BCHE: variants seen among roughly 807,000 people sequenced by gnomAD.
BCHE encodes the protein cholinesterase.
A neutral mutation model predicts 51.3 loss-of-function variants in BCHE; 48 were observed. The ratio of observed to expected loss-of-function variants is 0.94; its 90% CI spans 0.74 to 1.19. The LOEUF is 1.19. Ranked by LOEUF, BCHE falls within the 50% of genes most tolerant of loss-of-function variation. The probability of loss-of-function intolerance (pLI) is 0.00; values close to 1 mark genes in which losing one functional copy is unlikely to be tolerated. For missense variants in BCHE, 847 were observed against 708.2 expected, an observed-to-expected ratio of 1.20 and a Z score of -2.23; for synonymous variants, 251 against 238.0, an observed-to-expected ratio of 1.05 and a Z score of -0.50.
At chr3:165,821,449 A>G (rs1453603057) in intron 2 of BCHE, among the ~76,000 whole-genome samples, 1 of 151,770 alleles carries the variant, frequency 6.6e-6, no homozygotes, top group Non-Finnish European at 1.5e-5. Flanking sequence ...AAAAAAAGAG[A>G]GAGAGAGCGC....
intron 2 of BCHE, among the ~76,000 whole-genome samples, chr3:165,797,117 T>G (rs1305901551): frequency 1.3e-5 from 2 of 149,522 alleles, no homozygotes; most frequent in Non-Finnish European, 3.0e-5. Context: ...CCTTCCTTCC[T>G]TCTTTCCCTC....
chr3:165,790,670 T>A (rs1713131866), intron 2 of BCHE, among the ~76,000 whole-genome samples: 1 of 152,170 alleles, frequency 6.6e-6, no homozygotes, highest in South Asian at 2.1e-4. Context: ...CTTGACTTTC[T>A]CTAACTCTGG....
chr3:165,781,357 A>G (rs962801228), intron 3 of BCHE, among the ~76,000 whole-genome samples: 2 of 152,214 alleles, frequency 1.3e-5, no homozygotes, highest in Non-Finnish European at 2.9e-5. Flanking sequence ...GATAGACTGG[A>G]TAAAGAAAAT....
chr3:165,787,305 T>C (rs998230165), intron 2 of BCHE, among the ~76,000 whole-genome samples: 7 of 151,854 alleles, frequency 4.6e-5, no homozygotes, highest in African/African-American at 1.7e-4. Flanking sequence ...AGTCACTACA[T>C]CTGTAGATTT....
At chr3:165,773,587 C>G in intron 3 of BCHE, 81 bp from the exon 4 acceptor site, 2 of 1,267,674 alleles carry the variant, frequency 1.6e-6, no homozygotes, top group South Asian at 2.5e-5. Context: ...ATACAAAAGC[C>G]ATTTTCTCTA....
chr3:165,777,857 G>T, intron 3 of BCHE: 4 of 388,900 alleles, frequency 1.0e-5, no homozygotes, highest in African/African-American at 2.1e-5. Context: ...CACTCAATAA[G>T]TAGTAAATAT....
chr3:165,823,466 A>G (rs1445644142), intron 2 of BCHE, among the ~76,000 whole-genome samples: 1 of 152,074 alleles, frequency 6.6e-6, no homozygotes, highest in African/African-American at 2.4e-5. Context: ...CAGAAACTGG[A>G]TAATGGGCAA....
At chr3:165,792,346 G>T (rs2108207123) in intron 2 of BCHE, among the ~76,000 whole-genome samples, 1 of 152,082 alleles carries the variant, frequency 6.6e-6, no homozygotes, top group South Asian at 2.1e-4. Context: ...AAATTACCCG[G>T]AAAAGAGTTA....
intron 2 of BCHE, among the ~76,000 whole-genome samples, chr3:165,792,256 G>A (rs989705635): frequency 6.6e-6 from 1 of 151,780 alleles, no homozygotes; most frequent in Admixed American, 6.6e-5. Flanking sequence ...TTACTTCAAG[G>A]AAACTTCAAA....
In BCHE at chr3:165,787,200, G is replaced by C. The variant is rs540602981; in HGVS notation, c.1518-889C>G. On this transcript the variant is annotated intron_variant, in intron 2 of 3. Transcript: ENST00000264381. ...ACTCTATCTTTTCAATATCTACAGT[G>C]TTGAGCTCATTTATACCTTTATAGC... 7.8e-4 allele frequency among the ~76,000 whole-genome samples: 119 copies of C among 151,870 alleles called. 1 individual carries two copies. Among genetic ancestry groups the C allele is most frequent in the Middle Eastern group, 3.4e-3 (1 of 292 alleles).
chr3:165,787,746 C>A (rs1419146019), intron 2 of BCHE, among the ~76,000 whole-genome samples: 1 of 151,854 alleles, frequency 6.6e-6, no homozygotes. Context: ...TCAGTGTTGT[C>A]ACATTAAGGT....
chr3:165,795,259 C>A (rs914620083), intron 2 of BCHE, among the ~76,000 whole-genome samples: 1 of 152,174 alleles, frequency 6.6e-6, no homozygotes, highest in Non-Finnish European at 1.5e-5. Context: ...CCTTCATCTG[C>A]TGATGAGGAG....
intron 3 of BCHE, among the ~76,000 whole-genome samples, chr3:165,781,148 G>A: frequency 6.6e-6 from 1 of 152,140 alleles, no homozygotes; most frequent in Non-Finnish European, 1.5e-5. Context: ...CTACTCAGGA[G>A]GCTGAGGCAG....
chr3:165,829,709 TTTCCCCA>T lies in BCHE; in HGVS notation c.1318_1324del (p.Trp440IlefsTer23). 6.2e-7 allele frequency: 1 copy of T among 1,613,926 alleles called. No homozygotes were observed. Among genetic ancestry groups the T allele is most frequent in the Non-Finnish European group, 8.5e-7 (1 of 1,179,928 alleles). On this transcript the variant is annotated frameshift_variant, in exon 2 of 4. Coordinates refer to ENST00000264381, the MANE Select transcript of BCHE (RefSeq NM_000055.4). LOFTEE classifies it high-confidence loss of function. The stretch of plus-strand genomic sequence containing the variant: ...TTCAAAATAGTAGAAAAAGGCATTA[TTTCCCCA>T]TTCTGAGAACTTCTTGGTGAACTCC...
intron 2 of BCHE, among the ~76,000 whole-genome samples, chr3:165,807,674 C>G (rs1257579349): frequency 1.3e-5 from 2 of 151,870 alleles, no homozygotes; most frequent in East Asian, 3.9e-4. Context: ...CTTGCCTCAG[C>G]CTCCAGAGTA....
At chr3:165,811,703 A>G (rs934343582) in intron 2 of BCHE, among the ~76,000 whole-genome samples, 1 of 152,070 alleles carries the variant, frequency 6.6e-6, no homozygotes, top group Non-Finnish European at 1.5e-5. Context: ...GAGCAAGATG[A>G]TAGTGTACAC....
At position 165,829,771 on chromosome 3, in the gene BCHE, A is replaced by G; in HGVS notation, c.1263T>C (p.Val421=). 2 of 1,613,880 alleles carry G rather than the reference A, an allele frequency of 1.2e-6. No individual in the cohort carries two copies. The highest frequency in any genetic ancestry group is 1.7e-6 in the Non-Finnish European group (2 of 1,179,882). ...CAGGGCATATGAAATTATAATCCCC[A>G]ACAACATCACCCAAGGCCTCACGGT... is the stretch of plus-strand genomic sequence containing the variant. The part of the protein sequence containing the change: ...ENYREALGDV[V]GDYNFICPAL... Residue 421 remains valine, a synonymous_variant, in exon 2 of 4, where the codon GTT becomes GTC. Transcript: ENST00000264381.
At chr3:165,800,945 G>C (rs997090577) in intron 2 of BCHE, among the ~76,000 whole-genome samples, 2 of 152,082 alleles carry the variant, frequency 1.3e-5, no homozygotes, top group African/African-American at 4.8e-5. Flanking sequence ...GAAAATATAA[G>C]CAGGATAACC....
chr3:165,783,807 T>C (rs1712805474), intron 3 of BCHE, among the ~76,000 whole-genome samples: 1 of 152,072 alleles, frequency 6.6e-6, no homozygotes, highest in Non-Finnish European at 1.5e-5. Flanking sequence ...TAATATTGAA[T>C]AGTTGTATCC....
Sources: gnomAD v4.1 joint callset for allele counts (sites outside exome capture counted in the v4.1 genomes callset) on GRCh38, gnomAD v4.1.1 for gene constraint, MANE v1.5 for transcripts, NCBI Gene and HGNC (gene_info 2026-07-23, HGNC 2026-07-21) for gene names.